Variants in PCDH15 observed in about 807,000 individuals in gnomAD.
PCDH15 encodes the protein protocadherin related 15, also known as protocadherin-15.
A neutral mutation model predicts 178.5 loss-of-function variants in PCDH15; 129 were observed. The observed-to-expected ratio is 0.72, with a 90% confidence interval of 0.63 to 0.84. The LOEUF (loss-of-function observed/expected upper bound fraction) is 0.84, where lower values mean the gene tolerates loss of function less well. PCDH15 is among the 40% of genes least tolerant of loss of function. The pLI is 0.00. For synonymous variants in PCDH15, 800 were observed against 732.0 expected (o/e 1.09, Z -1.50); for missense variants, 2,230 against 2,099.9 (o/e 1.06, Z -1.21).
At chr10:55,540,793 G>C (rs1360028371) in intron 2 of PCDH15, among the ~76,000 whole-genome samples, 1 of 152,012 alleles carries the variant, frequency 6.6e-6, no homozygotes, top group Non-Finnish European at 1.5e-5. Context: ...AACTCCCGAA[G>C]TGCAAATTCA....
chr10:53,985,968 A>G (rs2091069455), intron 21 of PCDH15, among the ~76,000 whole-genome samples: 1 of 152,232 alleles, frequency 6.6e-6, no homozygotes, highest in Non-Finnish European at 1.5e-5. Flanking sequence ...TCATTTCAAC[A>G]TCACAGCAAC....
At chr10:54,390,907 C>T (rs61052885) in intron 3 of PCDH15, among the ~76,000 whole-genome samples, 2,593 of 152,082 alleles carry the variant, frequency 0.017, 70 homozygotes, top group African/African-American at 0.057. Flanking sequence ...CTTTTCTTCC[C>T]CAGTGCCAAT....
chr10:54,790,704 G>A (rs1951327063), intron 1 of PCDH15, among the ~76,000 whole-genome samples: 2 of 151,786 alleles, frequency 1.3e-5, no homozygotes, highest in South Asian at 4.2e-4. Context: ...TACACGTGAA[G>A]ATATATATGT....
chr10:55,500,826 T>C (rs553383676), intron 2 of PCDH15, among the ~76,000 whole-genome samples: 217 of 151,952 alleles, frequency 1.4e-3, no homozygotes, highest in African/African-American at 4.7e-3. Context: ...CCCAAATACA[T>C]ATAATACATA....
intron 16 of PCDH15, among the ~76,000 whole-genome samples, chr10:54,083,200 A>G (rs907834767): frequency 8.5e-5 from 13 of 152,314 alleles, no homozygotes; most frequent in Non-Finnish European, 2.9e-5. Flanking sequence ...AAATGCTTCA[A>G]TCACTGTGGA....
At chr10:54,052,369 G>A (rs2093795706) in intron 18 of PCDH15, among the ~76,000 whole-genome samples, 2 of 152,222 alleles carry the variant, frequency 1.3e-5, no homozygotes, top group Middle Eastern at 3.2e-3. Context: ...ACGGCTATGG[G>A]AGTGTCACTC....
chr10:55,120,911 T>C (rs975587981), intron 2 of PCDH15, among the ~76,000 whole-genome samples: 2 of 152,166 alleles, frequency 1.3e-5, no homozygotes, highest in Non-Finnish European at 2.9e-5. Flanking sequence ...ACTTTGCAAA[T>C]AGTGTCTCAT....
chr10:54,913,700 G>T (rs2131837116), intron 2 of PCDH15, among the ~76,000 whole-genome samples: 1 of 152,274 alleles, frequency 6.6e-6, no homozygotes, highest in Non-Finnish European at 1.5e-5. Flanking sequence ...AACCAGCTGT[G>T]GGTGATCTAC....
chr10:55,450,210 G>A (rs1839403313), intron 2 of PCDH15, among the ~76,000 whole-genome samples: 1 of 152,108 alleles, frequency 6.6e-6, no homozygotes, highest in Admixed American at 6.6e-5. Flanking sequence ...AGCTAAGAGT[G>A]AATGGACAGC....
In PCDH15 at chr10:54,531,763, T is replaced by G. The variant is rs932586293; in HGVS notation, c.92-3886A>C. Among the ~76,000 whole-genome samples the G allele has an allele frequency of 5.3e-5, 8 of 152,194 alleles. 1 individual carries two copies. Among genetic ancestry groups the G allele is most frequent in the Admixed American group, 3.9e-4 (6 of 15,276 alleles). ...GTGTATTGAATTTCCTACCCATATT[T>G]ATCTTCTGAGCCTGGGTCCCATTTG... On this transcript the variant is annotated intron_variant, in intron 2 of 37. Transcript: ENST00000644397.
At chr10:55,124,148 T>C (rs952203932) in intron 2 of PCDH15, among the ~76,000 whole-genome samples, 2 of 152,274 alleles carry the variant, frequency 1.3e-5, no homozygotes, top group African/African-American at 4.8e-5. Context: ...ATGCCAATCA[T>C]AGACAACCAT....
intron 8 of PCDH15, among the ~76,000 whole-genome samples, chr10:54,307,374 C>A (rs2060625026): frequency 6.6e-6 from 1 of 150,794 alleles, no homozygotes; most frequent in Non-Finnish European, 1.5e-5. Flanking sequence ...AGCACAATTG[C>A]CAAATTTATA....
At chr10:54,077,085 G>A (rs987477312) in intron 17 of PCDH15, among the ~76,000 whole-genome samples, 5 of 151,874 alleles carry the variant, frequency 3.3e-5, no homozygotes, top group East Asian at 1.9e-4. Flanking sequence ...AAGTATATCC[G>A]TAAAATTATA....
chr10:54,213,667 G>A (rs1414842614), intron 10 of PCDH15, among the ~76,000 whole-genome samples: 2 of 152,062 alleles, frequency 1.3e-5, no homozygotes, highest in Non-Finnish European at 2.9e-5. Flanking sequence ...AATGAATTGT[G>A]TAGAATTGTA....
chr10:54,856,729 T>C (rs1953748496), intron 3 of PCDH15, among the ~76,000 whole-genome samples: 1 of 152,196 alleles, frequency 6.6e-6, no homozygotes, highest in Admixed American at 6.5e-5. Flanking sequence ...TGACATGTGC[T>C]TCATTGAATG....
chr10:55,601,557 T>A (rs1047665985), intron 2 of PCDH15, among the ~76,000 whole-genome samples: 1 of 152,116 alleles, frequency 6.6e-6, no homozygotes, highest in African/African-American at 2.4e-5. Context: ...GTAAGTGATG[T>A]TAATTAGGTG....
At chr10:54,206,434 T>G (rs1039141427) in intron 10 of PCDH15, among the ~76,000 whole-genome samples, 1 of 152,064 alleles carries the variant, frequency 6.6e-6, no homozygotes, top group Non-Finnish European at 1.5e-5. Flanking sequence ...GTAACTTTTT[T>G]TCTGTGAATC....
At chr10:54,979,029 A>G (rs2131901913) in intron 2 of PCDH15, among the ~76,000 whole-genome samples, 1 of 152,286 alleles carries the variant, frequency 6.6e-6, no homozygotes, top group South Asian at 2.1e-4. Flanking sequence ...CAATCTTGTG[A>G]TGTAAATATT....
intron 1 of PCDH15, among the ~76,000 whole-genome samples, chr10:55,294,764 C>T (rs1843091906): frequency 2.0e-5 from 3 of 152,134 alleles, no homozygotes; most frequent in Admixed American, 1.3e-4. Context: ...CTCACTCTCA[C>T]ATATAATGTA....
Sources: allele counts gnomAD v4.1 joint callset (sites outside exome capture counted in the v4.1 genomes callset), GRCh38; gene constraint gnomAD v4.1.1; transcripts MANE v1.5; gene names NCBI Gene and HGNC (gene_info 2026-07-23, HGNC 2026-07-21).